The following PVT1 variants were observed in gnomAD, a reference collection of about 807,000 sequenced individuals.
The protein encoded by PVT1 is CXCR4/PVT1 fusion.
intron 5 of PVT1, among the ~76,000 whole-genome samples, chr8:128,094,041 T>C (rs1385822126): frequency 6.6e-6 from 1 of 152,208 alleles, no homozygotes; most frequent in African/African-American, 2.4e-5. Context: ...GCTACAGTCC[T>C]CACCACCCCT....
intron 3 of PVT1, among the ~76,000 whole-genome samples, chr8:127,931,269 T>C (rs1816202948): frequency 2.0e-5 from 3 of 152,138 alleles, no homozygotes; most frequent in Admixed American, 2.0e-4. Flanking sequence ...GGGAGACCCC[T>C]TTTCCATTTA....
chr8:128,022,089 G>A (rs1817445139), intron 4 of PVT1, among the ~76,000 whole-genome samples: 1 of 152,204 alleles, frequency 6.6e-6, no homozygotes, highest in Admixed American at 6.5e-5. Flanking sequence ...CTCCTGCCCA[G>A]AACCACTGAA....
At chr8:127,915,092 T>C (rs1215428658) in intron 3 of PVT1, among the ~76,000 whole-genome samples, 1 of 151,970 alleles carries the variant, frequency 6.6e-6, no homozygotes. Context: ...CCCAAAGTGT[T>C]GGGATTACAG....
intron 2 of PVT1, among the ~76,000 whole-genome samples, chr8:127,890,386 G>T (rs1170850073): frequency 6.6e-6 from 1 of 152,246 alleles, no homozygotes; most frequent in East Asian, 1.9e-4. Context: ...TGTCTGAGAG[G>T]TCCTTCGTAC....
intron 4 of PVT1, among the ~76,000 whole-genome samples, chr8:128,014,435 GCTGA>G (rs1027520235): frequency 3.3e-5 from 5 of 152,208 alleles, no homozygotes; most frequent in African/African-American, 1.2e-4. Flanking sequence ...ATTGCTAGAA[GCTGA>G]CTAATTATGA....
intron 3 of PVT1, among the ~76,000 whole-genome samples, chr8:127,972,414 T>C (rs1391342590): frequency 6.6e-6 from 1 of 152,166 alleles, no homozygotes; most frequent in Non-Finnish European, 1.5e-5. Context: ...CCTAAGTCAA[T>C]TATCACTGGG....
chr8:127,838,668 G>A (rs898406833), intron 2 of PVT1, among the ~76,000 whole-genome samples: 3 of 152,176 alleles, frequency 2.0e-5, no homozygotes, highest in African/African-American at 7.2e-5. Flanking sequence ...TGGTGCCACT[G>A]GACTCCAACC....
At chr8:128,081,637 CT>C (rs1422354260) in intron 5 of PVT1, among the ~76,000 whole-genome samples, 5 of 152,180 alleles carry the variant, frequency 3.3e-5, no homozygotes, top group African/African-American at 1.2e-4. Flanking sequence ...TCTAAGCTTT[CT>C]GAGTGTGAGA....
chr8:127,899,480 G>A (rs1208587262), intron 3 of PVT1, among the ~76,000 whole-genome samples: 4 of 152,144 alleles, frequency 2.6e-5, no homozygotes, highest in African/African-American at 4.8e-5. Context: ...CTGGCTCCCC[G>A]TCTCTCAATG....
chr8:127,999,214 GACCCCT>G (rs1259701105), intron 4 of PVT1: 2 of 152,182 alleles, frequency 1.3e-5, no homozygotes, highest in Admixed American at 1.3e-4. Flanking sequence ...CCGATGTGCT[GACCCCT>G]GTGATTCCCC....
intron 4 of PVT1, among the ~76,000 whole-genome samples, chr8:127,991,122 CT>C (rs1212817804): frequency 1.4e-5 from 2 of 143,698 alleles, no homozygotes; most frequent in Non-Finnish European, 3.0e-5. Context: ...CTACGTAGCT[CT>C]TTTTTTTCTT....
intron 2 of PVT1, among the ~76,000 whole-genome samples, chr8:127,861,337 C>T (rs560160505): frequency 2.0e-4 from 31 of 152,198 alleles, no homozygotes; most frequent in African/African-American, 6.0e-4. Flanking sequence ...GGCTGGGCGC[C>T]GTGGCTCACA....
At chr8:127,853,102 A>T (rs1257364277) in intron 2 of PVT1, among the ~76,000 whole-genome samples, 1 of 152,188 alleles carries the variant, frequency 6.6e-6, no homozygotes, top group Non-Finnish European at 1.5e-5. Flanking sequence ...CTTGAAGTAC[A>T]TGGTAGAAGG....
At chr8:127,978,110 A>G (rs1354577553) in intron 3 of PVT1, among the ~76,000 whole-genome samples, 1 of 152,060 alleles carries the variant, frequency 6.6e-6, no homozygotes, top group African/African-American at 2.4e-5. Context: ...GCTGATCACA[A>G]GTTACGTCTT....
chr8:127,944,233 A>G (rs1816389829), intron 3 of PVT1, among the ~76,000 whole-genome samples: 1 of 152,210 alleles, frequency 6.6e-6, no homozygotes, highest in Admixed American at 6.5e-5. Flanking sequence ...TATTATAGGC[A>G]TGAGCCATTA....
intron 3 of PVT1, among the ~76,000 whole-genome samples, chr8:127,962,104 A>T (rs1816650602): frequency 6.6e-6 from 1 of 152,174 alleles, no homozygotes; most frequent in Non-Finnish European, 1.5e-5. Context: ...CCTCCCAAGT[A>T]GCTGGGCCTG....
chr8:128,000,912 C>T (rs1817170068), intron 4 of PVT1, among the ~76,000 whole-genome samples: 1 of 152,226 alleles, frequency 6.6e-6, no homozygotes, highest in African/African-American at 2.4e-5. Flanking sequence ...CTGCTTCTCC[C>T]AGACCTCATT....
At chr8:127,889,061 T>TTCCG in intron 2 of PVT1, among the ~76,000 whole-genome samples, 1 of 144,774 alleles carries the variant, frequency 6.9e-6, no homozygotes, top group Non-Finnish European at 1.5e-5. Flanking sequence ...CCTTCCTTCC[T>TTCCG]TCCTTCCTTC....
chr8:127,832,421 T>C (rs1814859978), intron 2 of PVT1, among the ~76,000 whole-genome samples: 1 of 152,210 alleles, frequency 6.6e-6, no homozygotes, highest in Non-Finnish European at 1.5e-5. Flanking sequence ...ACAGATAAGG[T>C]ATCATCAACA....
Sources: allele counts gnomAD v4.1 joint callset (sites outside exome capture counted in the v4.1 genomes callset), GRCh38; gene constraint gnomAD v4.1.1; transcripts MANE v1.5; gene names NCBI Gene and HGNC (gene_info 2026-07-23, HGNC 2026-07-21).